Variants in MAP2K5 observed in about 807,000 individuals in gnomAD.
MAP2K5 encodes the protein dual specificity mitogen-activated protein kinase kinase 5.
A neutral mutation model predicts 83.1 loss-of-function variants in MAP2K5; 49 were observed. That is an observed-to-expected ratio of 0.59 (90% CI 0.47 to 0.75). The LOEUF is 0.75. Among genes scored for constraint, MAP2K5 ranks in the 30% least tolerant of loss-of-function variants. The pLI is 0.00. For missense variants in MAP2K5, 457 were observed against 557.5 expected, an observed-to-expected ratio of 0.82 and a Z score of 1.82; for synonymous variants, 202 against 191.8, an observed-to-expected ratio of 1.05 and a Z score of -0.44.
At chr15:67,547,077 A>AACACACACACACACACACACAC (rs59269114) in intron 1 of MAP2K5, among the ~76,000 whole-genome samples, 113 of 144,192 alleles carry the variant, frequency 7.8e-4, no homozygotes, top group African/African-American at 2.3e-3. Flanking sequence ...AAAAGAAGAA[A>AACACACACACACACACACACAC]ACACACACAC....
At chr15:67,694,455 C>G (rs938222727) in intron 15 of MAP2K5, among the ~76,000 whole-genome samples, 1 of 151,964 alleles carries the variant, frequency 6.6e-6, no homozygotes, top group Non-Finnish European at 1.5e-5. Context: ...AGTATTCTTT[C>G]TGTATATATT....
chr15:67,713,448 G>A (rs1279846758), intron 16 of MAP2K5, among the ~76,000 whole-genome samples: 2 of 152,190 alleles, frequency 1.3e-5, no homozygotes, highest in Non-Finnish European at 2.9e-5. Flanking sequence ...TTTAAAAGGT[G>A]GCATGGGCCA....
rs2089609034 is a variant in MAP2K5, at chr15:67,746,523, G to T, written c.1075-1708G>T. ...TAGGAGAGGTTATCCAGGCTTTTCA[G>T]TATTTTTTTAAAGGTAGTTTGGCTT... is the stretch of plus-strand genomic sequence containing the variant. On this transcript the variant is annotated intron_variant, in intron 17 of 21. Transcript: ENST00000178640. The surrounding 1 kb of genome is among the most constrained non-coding windows in gnomAD (Gnocchi z 4.1). Among the ~76,000 whole-genome samples the T allele has an allele frequency of 6.6e-6, 1 of 152,014 alleles. No homozygotes were observed. Among genetic ancestry groups the T allele is most frequent in the South Asian group, 2.1e-4 (1 of 4,810 alleles).
intron 1 of MAP2K5, among the ~76,000 whole-genome samples, chr15:67,545,679 G>C (rs2084375064): frequency 1.3e-5 from 2 of 152,158 alleles, no homozygotes; most frequent in African/African-American, 4.8e-5. Context: ...ACAAACTCTG[G>C]AGCCAGGTTG....
chr15:67,792,751 C>G (rs572305092), intron 21 of MAP2K5, among the ~76,000 whole-genome samples: 1 of 152,190 alleles, frequency 6.6e-6, no homozygotes. Context: ...TTCCGCCCCC[C>G]GCTTTGACCA....
chr15:67,726,590 C>G (rs1054515123), intron 16 of MAP2K5, among the ~76,000 whole-genome samples: 3 of 152,184 alleles, frequency 2.0e-5, no homozygotes, highest in African/African-American at 7.2e-5. Context: ...AAGCGCAGAA[C>G]TTCTCAAGAT....
intron 16 of MAP2K5, among the ~76,000 whole-genome samples, chr15:67,712,022 G>A (rs187314264): frequency 6.6e-6 from 1 of 152,294 alleles, no homozygotes; most frequent in Non-Finnish European, 1.5e-5. Flanking sequence ...CACCATGGGT[G>A]GACACTCAAT....
At chr15:67,763,441 A>G (rs563800111) in intron 19 of MAP2K5, among the ~76,000 whole-genome samples, 1 of 152,270 alleles carries the variant, frequency 6.6e-6, no homozygotes, top group South Asian at 2.1e-4. Context: ...CCTTCTGATA[A>G]CATGTGACTG....
At chr15:67,729,551 A>T (rs959786514) in intron 17 of MAP2K5, among the ~76,000 whole-genome samples, 2 of 152,208 alleles carry the variant, frequency 1.3e-5, no homozygotes, top group East Asian at 3.9e-4. Context: ...TGGGCGGATC[A>T]CGAGGTCAGG....
At chr15:67,550,109 A>G in intron 2 of MAP2K5, 27 bp downstream of exon 2, 1 of 1,604,380 alleles carries the variant, frequency 6.2e-7, no homozygotes, top group Non-Finnish European at 8.5e-7. Context: ...TACTTTCTTG[A>G]CTATTCCTTT....
intron 19 of MAP2K5, among the ~76,000 whole-genome samples, chr15:67,759,287 G>A (rs887569083): frequency 2.0e-5 from 3 of 152,056 alleles, no homozygotes; most frequent in Non-Finnish European, 4.4e-5. Context: ...GGCCAGGCAC[G>A]GTGGCTCATG....
At chr15:67,678,009 T>G (rs1253462677) in intron 13 of MAP2K5, among the ~76,000 whole-genome samples, 2 of 152,226 alleles carry the variant, frequency 1.3e-5, no homozygotes, top group Non-Finnish European at 1.5e-5. Flanking sequence ...CCCTTTCTTA[T>G]GTGATGGAGT....
rs923164561 is a variant in MAP2K5 at position 67,693,512 on chromosome 15, T to G, written c.922-6T>G. ...TATTGTTCTAACAGACTGTTTTGTC[T>G]CATAGCTGGTGAATTCTATAGCCAA... is the stretch of plus-strand genomic sequence containing the variant. On this transcript the variant is annotated splice_polypyrimidine_tract_variant and splice_region_variant and intron_variant, in intron 14 of 21. Transcript: ENST00000178640. 2 of 1,609,104 alleles carry G rather than the reference T, an allele frequency of 1.2e-6. No homozygotes were observed. The highest frequency in any genetic ancestry group is 1.7e-6 in the Non-Finnish European group (2 of 1,176,566).
rs2090297843 is a variant in MAP2K5 at position 67,779,773 on chromosome 15, G to A, written c.1242+7021G>A. ...TTGTTTCAAGGCACAGTGAAGCTGTGTAGCATTCATTGAGCACAGGAAGAG... is the reference window on the plus strand; with the variant it reads ...TTGTTTCAAGGCACAGTGAAGCTGTATAGCATTCATTGAGCACAGGAAGAG... On this transcript the variant is annotated intron_variant, in intron 21 of 21. Coordinates refer to ENST00000178640, the MANE Select transcript of MAP2K5 (RefSeq NM_145160.3). This position sits in a 1 kb window ranked among gnomAD's most constrained non-coding sequence, Gnocchi z 4.6. Among the ~76,000 whole-genome samples, 1 of 152,190 alleles carries A rather than the reference G, an allele frequency of 6.6e-6. No individual in the cohort carries two copies. Among genetic ancestry groups the A allele is most frequent in the Admixed American group, 6.5e-5 (1 of 15,290 alleles).
chr15:67,564,853 T>G (rs919950861), intron 3 of MAP2K5, among the ~76,000 whole-genome samples: 9 of 152,228 alleles, frequency 5.9e-5, no homozygotes, highest in Admixed American at 5.9e-4. Context: ...TCATTATGTA[T>G]TCAACTTAAC....
intron 17 of MAP2K5, among the ~76,000 whole-genome samples, chr15:67,742,919 C>T (rs1012005540): frequency 1.3e-5 from 2 of 152,164 alleles, no homozygotes; most frequent in African/African-American, 4.8e-5. Context: ...TCCTCACTGA[C>T]TGGCAGACCC....
chr15:67,643,143 C>T (rs1032581906), intron 9 of MAP2K5, among the ~76,000 whole-genome samples: 1 of 151,884 alleles, frequency 6.6e-6, no homozygotes, highest in African/African-American at 2.4e-5. Flanking sequence ...CGATATGAGG[C>T]CAGGGTTGAG....
chr15:67,713,293 T>C (rs916880323), intron 16 of MAP2K5, among the ~76,000 whole-genome samples: 3 of 152,206 alleles, frequency 2.0e-5, no homozygotes, highest in Non-Finnish European at 4.4e-5. Flanking sequence ...ATGTACAAGC[T>C]TAACACATCT....
intron 19 of MAP2K5, among the ~76,000 whole-genome samples, chr15:67,763,767 A>G (rs1228833734): frequency 6.6e-6 from 1 of 152,090 alleles, no homozygotes; most frequent in East Asian, 1.9e-4. Context: ...AGGATCAGAA[A>G]CCAATTTAGG....
Sources: allele counts gnomAD v4.1 joint callset (sites outside exome capture counted in the v4.1 genomes callset), GRCh38; gene constraint gnomAD v4.1.1; non-coding constraint Gnocchi (gnomAD v3.1); transcripts MANE v1.5; gene names NCBI Gene and HGNC (gene_info 2026-07-23, HGNC 2026-07-21).